DPRX: variants seen among roughly 807,000 people sequenced by gnomAD.
The protein encoded by DPRX is divergent-paired related homeobox.
A neutral mutation model predicts 8.4 loss-of-function variants in DPRX; 11 were observed. That is an observed-to-expected ratio of 1.31 (90% CI 0.82 to 2.17). The LOEUF is 2.17. Among genes scored for constraint, DPRX ranks in the 30% most tolerant of loss-of-function variants. The pLI, the probability that DPRX is intolerant of heterozygous loss-of-function variation, is 0.00. For synonymous variants in DPRX, 72 were observed against 87.0 expected (o/e 0.83, Z 0.96); for missense variants, 211 against 236.7 (o/e 0.89, Z 0.71).
At chr19:53,627,005 T>G in the DPRX span, among the ~76,000 whole-genome samples, 1 of 152,080 alleles carries the variant, frequency 6.6e-6, no homozygotes. Context: ...GTTGCACATC[T>G]TGACTTCTCA....
the DPRX span, among the ~76,000 whole-genome samples, chr19:53,602,755 G>A: frequency 7.3e-5 from 11 of 150,560 alleles, no homozygotes; most frequent in Non-Finnish European, 1.2e-4. Flanking sequence ...GGCTGATCTC[G>A]AACTCCTGAC....
the DPRX span, chr19:53,617,287 A>C: frequency 1.4e-6 from 1 of 691,822 alleles, no homozygotes; most frequent in Non-Finnish European, 2.7e-6. Flanking sequence ...GGCTGGGTGC[A>C]GTGGCTCACG....
exon 2 of DPRX, chr19:53,634,628 C>T: frequency 6.2e-7 from 1 of 1,614,044 alleles, no homozygotes; most frequent in Non-Finnish European, 8.5e-7. Context: ...CATACCCAAA[C>T]CCCAGCCTTC....
the DPRX span, among the ~76,000 whole-genome samples, chr19:53,620,485 C>T: frequency 6.6e-6 from 1 of 151,946 alleles, no homozygotes; most frequent in Non-Finnish European, 1.5e-5. Context: ...GCCTCAGCCT[C>T]CTGAGCAGCT....
At chr19:53,624,933 C>A in the DPRX span, among the ~76,000 whole-genome samples, 1 of 150,936 alleles carries the variant, frequency 6.6e-6, no homozygotes, top group Middle Eastern at 3.2e-3. Context: ...GTCACAGAAA[C>A]AGGAAGCACA....
the DPRX span, among the ~76,000 whole-genome samples, chr19:53,603,841 G>T: frequency 2.7e-5 from 4 of 150,416 alleles, no homozygotes; most frequent in African/African-American, 9.8e-5. Context: ...CCGCCTCCCA[G>T]GTTCAAGCAA....
chr19:53,606,689 TATGCACCGGGCGGTGAGGGTGGAGGG>T, the DPRX span: 1 of 112,134 alleles, frequency 8.9e-6, no homozygotes, highest in African/African-American at 3.3e-5. The surrounding 1 kb of genome is among the most constrained non-coding windows in gnomAD (Gnocchi z 4.8). Flanking sequence ...GGGACAGGTA[TATGCACCGGGCGGTGAGGGTGGAGGG>T]CTTCTTCTCC....
the DPRX span, among the ~76,000 whole-genome samples, chr19:53,621,225 C>T: frequency 2.6e-5 from 4 of 152,000 alleles, no homozygotes; most frequent in Admixed American, 6.6e-5. Flanking sequence ...CCCAACCCCC[C>T]GGGTTCAAGC....
At chr19:53,619,792 T>C in the DPRX span, among the ~76,000 whole-genome samples, 1 of 149,692 alleles carries the variant, frequency 6.7e-6, no homozygotes, top group South Asian at 2.1e-4. Flanking sequence ...GAGGTGGAGA[T>C]TGCAGTGAGC....
the DPRX span, among the ~76,000 whole-genome samples, chr19:53,622,078 G>A: frequency 6.6e-6 from 1 of 152,226 alleles, no homozygotes; most frequent in East Asian, 1.9e-4. Context: ...TTGCTAGGAA[G>A]GAAAAGGTTA....
the DPRX span, among the ~76,000 whole-genome samples, chr19:53,612,038 C>T: frequency 1.3e-5 from 2 of 151,074 alleles, no homozygotes; most frequent in Non-Finnish European, 2.9e-5. Context: ...GAGCCGAGAT[C>T]GTGCCACTGC....
At chr19:53,636,865 T>C in exon 3 of DPRX, 1 of 1,614,112 alleles carries the variant, frequency 6.2e-7, no homozygotes, top group Non-Finnish European at 8.5e-7. Context: ...GAATAGTCCA[T>C]TTTGGCTGCT....
the DPRX span, among the ~76,000 whole-genome samples, chr19:53,612,371 C>T: frequency 6.6e-6 from 1 of 151,046 alleles, no homozygotes; most frequent in Non-Finnish European, 1.5e-5. Flanking sequence ...TGAAACCGGT[C>T]TCAAAAACAA....
chr19:53,608,824 G>C, the DPRX span, among the ~76,000 whole-genome samples: 2 of 150,870 alleles, frequency 1.3e-5, no homozygotes, highest in African/African-American at 4.9e-5. Flanking sequence ...GCATGGTGGC[G>C]GGCGCCTGTA....
chr19:53,602,296 GTGTGTGT>G, the DPRX span: 1 of 353,598 alleles, frequency 2.8e-6, no homozygotes, highest in Non-Finnish European at 5.6e-6. Context: ...GTGTGTGTGT[GTGTGTGT>G]GTGTGTGTGC....
At chr19:53,633,987 A>G (rs1483658336) in intron 1 of DPRX, among the ~76,000 whole-genome samples, 2 of 152,218 alleles carry the variant, frequency 1.3e-5, no homozygotes, top group South Asian at 2.1e-4. Context: ...CAAGGGGGAA[A>G]GGAACAACCT....
chr19:53,619,186 C>A, the DPRX span, among the ~76,000 whole-genome samples: 1 of 151,978 alleles, frequency 6.6e-6, no homozygotes, highest in African/African-American at 2.4e-5. Context: ...TGATCCTAAA[C>A]CAAGAGGGAG....
chr19:53,616,961 C>A, the DPRX span: 1 of 1,225,686 alleles, frequency 8.2e-7, no homozygotes, highest in Non-Finnish European at 1.2e-6. Context: ...TATGATGTTA[C>A]GGTTGAACCG....
At chr19:53,619,024 A>C in the DPRX span, among the ~76,000 whole-genome samples, 1 of 152,114 alleles carries the variant, frequency 6.6e-6, no homozygotes, top group South Asian at 2.1e-4. Context: ...TTTCTAGGGA[A>C]ATGGAGACCT....
Sources: gnomAD v4.1 joint callset for allele counts (sites outside exome capture counted in the v4.1 genomes callset) on GRCh38, gnomAD v4.1.1 for gene constraint, Gnocchi (gnomAD v3.1) non-coding constraint, MANE v1.5 for transcripts, NCBI Gene and HGNC (gene_info 2026-07-23, HGNC 2026-07-21) for gene names.